PRPF18: variants seen among roughly 807,000 people sequenced by gnomAD.
The protein encoded by PRPF18 is pre-mRNA-splicing factor 18.
In PRPF18, 38 loss-of-function variants were observed where a neutral mutation model predicts 46.5. That is an observed-to-expected ratio of 0.82 (90% confidence interval 0.63 to 1.07). The LOEUF is 1.07. Ranked by LOEUF, PRPF18 falls within the 50% of genes least tolerant of loss-of-function variation. The pLI is 0.00. For missense variants in PRPF18, 263 were observed against 410.0 expected (o/e 0.64, Z 3.10); for synonymous variants, 152 against 146.7 (o/e 1.04, Z -0.26).
At chr10:13,634,578 A>T (rs2080618587), downstream of PRPF18, among the ~76,000 whole-genome samples, 1 of 152,220 alleles carries the variant, frequency 6.6e-6, no homozygotes, top group African/African-American at 2.4e-5. Flanking sequence ...TGAGCGTTGC[A>T]GTCTGTGCAG....
the PRPF18 span, chr10:13,646,067 C>G: frequency 6.6e-6 from 1 of 152,476 alleles, no homozygotes; most frequent in Non-Finnish European, 1.5e-5. Context: ...CCACAGGTCT[C>G]TCTTTGTGTC....
chr10:13,629,475 A>G (rs970637534), intron 9 of PRPF18, among the ~76,000 whole-genome samples: 5 of 152,260 alleles, frequency 3.3e-5, no homozygotes, highest in Admixed American at 3.3e-4. Flanking sequence ...GAACTAGAAC[A>G]TTCTGAAAAC....
At chr10:13,604,587 A>G (rs1184663179) in intron 3 of PRPF18, among the ~76,000 whole-genome samples, 3 of 152,254 alleles carry the variant, frequency 2.0e-5, no homozygotes, top group Admixed American at 2.0e-4. Flanking sequence ...CATTATGGTA[A>G]TTATCAGCTG....
At chr10:13,608,273 C>T (rs562365075) in intron 4 of PRPF18, among the ~76,000 whole-genome samples, 2 of 152,340 alleles carry the variant, frequency 1.3e-5, no homozygotes, top group South Asian at 4.1e-4. Flanking sequence ...CGGCCGAAAT[C>T]ATGTGAGGCT....
intron 4 of PRPF18, among the ~76,000 whole-genome samples, chr10:13,608,753 C>G (rs1210078251): frequency 6.6e-6 from 1 of 152,188 alleles, no homozygotes. Flanking sequence ...TGGGCAAAGG[C>G]TGTTTTACCT....
intron 5 of PRPF18, among the ~76,000 whole-genome samples, chr10:13,611,252 A>T (rs1161453936): frequency 6.8e-6 from 1 of 147,784 alleles, no homozygotes; most frequent in Non-Finnish European, 1.5e-5. Context: ...AGCTTTATTG[A>T]GATATTGACA....
chr10:13,605,313 T>A (rs1273211160), intron 3 of PRPF18, among the ~76,000 whole-genome samples: 1 of 152,094 alleles, frequency 6.6e-6, no homozygotes, highest in African/African-American at 2.4e-5. Flanking sequence ...GCTGGGCACA[T>A]TAGCTCACGC....
chr10:13,612,493 C>G (rs894446039), intron 6 of PRPF18, among the ~76,000 whole-genome samples: 2 of 151,798 alleles, frequency 1.3e-5, no homozygotes, highest in Non-Finnish European at 2.9e-5. Context: ...CCCTGTTGGC[C>G]AGGCTGGTCT....
intron 1 of PRPF18, chr10:13,591,647 C>T: frequency 1.6e-6 from 1 of 618,100 alleles, no homozygotes. Flanking sequence ...TTCCTGGTGT[C>T]TGGGCTTCTG....
At chr10:13,609,933 C>A in intron 4 of PRPF18, 106 bp from the exon 5 acceptor site, 1 of 1,253,792 alleles carries the variant, frequency 8.0e-7, no homozygotes, top group South Asian at 1.5e-5. Context: ...CTGAACTCTT[C>A]TTGTGGGGGA....
chr10:13,606,082 C>T lies in PRPF18; in HGVS notation c.363+338C>T, dbSNP rs912223028. ...GGATGATCTGTGAAGTAAACCACCA[C>T]GACACACGTTTCCCTATGTAACAAA... On this transcript the variant is annotated intron_variant, in intron 4 of 9. Coordinates refer to ENST00000378572, the MANE Select transcript of PRPF18 (RefSeq NM_003675.4). Among the ~76,000 whole-genome samples the T allele has an allele frequency of 7.9e-5, 12 of 152,188 alleles. 1 individual carries two copies. The highest frequency in any genetic ancestry group is 2.6e-4 in the Admixed American group (4 of 15,282).
At chr10:13,594,943 A>AT (rs1207142302) in intron 1 of PRPF18, among the ~76,000 whole-genome samples, 34 of 152,288 alleles carry the variant, frequency 2.2e-4, no homozygotes, top group Non-Finnish European at 3.8e-4. Flanking sequence ...TATACATTTT[A>AT]TTTTTTCATG....
chr10:13,607,952 T>C lies in PRPF18; in HGVS notation c.364-2087T>C, dbSNP rs144081889. Among the ~76,000 whole-genome samples the C allele has an allele frequency of 1.3e-3, 204 of 152,348 alleles. 4 individuals carry two copies. In the East Asian group the frequency reaches 0.034, roughly 25 times the overall value. On this transcript the variant is annotated intron_variant, in intron 4 of 9. Coordinates refer to ENST00000378572, the MANE Select transcript of PRPF18 (RefSeq NM_003675.4). ...ACAGTTCTACAAATGTCAGTGATGA[T>C]AGTGTTGTTCAGATCTTCTTTGGCC...
intron 4 of PRPF18, among the ~76,000 whole-genome samples, chr10:13,608,646 T>G (rs2133597549): frequency 6.6e-6 from 1 of 152,370 alleles, no homozygotes; most frequent in South Asian, 2.1e-4. Flanking sequence ...TCAGAATTAA[T>G]TGCTTCCTTC....
At chr10:13,614,450 T>TA (rs2080312161) in intron 8 of PRPF18, among the ~76,000 whole-genome samples, 1 of 152,216 alleles carries the variant, frequency 6.6e-6, no homozygotes, top group Non-Finnish European at 1.5e-5. Flanking sequence ...CAACGTTGTA[T>TA]AGATGAGTTT....
chr10:13,616,572 C>T lies in PRPF18; in HGVS notation c.948+19C>T, dbSNP rs113173860. 94 of 1,612,268 alleles carry T rather than the reference C, an allele frequency of 5.8e-5. No homozygotes were observed. In the Admixed American group the frequency reaches 6.4e-4, roughly 11 times the overall value. ...TATTCAGGTAAGCAGTTTGGAGAGC[C>T]GGGAATTGCCCTGGAAGTGAATATT... On this transcript the variant is annotated intron_variant, in intron 9 of 9. Coordinates refer to ENST00000378572, the MANE Select transcript of PRPF18 (RefSeq NM_003675.4).
In PRPF18 at chr10:13,613,721, T is replaced by C. The variant is rs772968556; in HGVS notation, c.580-20T>C. 4.4e-6 allele frequency: 7 copies of C among 1,607,892 alleles called. No individual in the cohort carries two copies. The South Asian group carries it at 6.7e-5, about 15-fold the overall frequency. Reference sequence around the variant, plus strand: ...CCACTGGGTGGCATTGTAGTCTAAGTTTACCCATCCTTTCAACAGTTTCTT... The same window carrying C: ...CCACTGGGTGGCATTGTAGTCTAAGCTTACCCATCCTTTCAACAGTTTCTT... On this transcript the variant is annotated intron_variant, in intron 6 of 9. Coordinates refer to ENST00000378572, the MANE Select transcript of PRPF18 (RefSeq NM_003675.4).
chr10:13,628,852 C>G (rs2080549655), intron 9 of PRPF18, among the ~76,000 whole-genome samples: 1 of 152,194 alleles, frequency 6.6e-6, no homozygotes, highest in Non-Finnish European at 1.5e-5. Flanking sequence ...TGGTTACAAA[C>G]TCTTCCCAAG....
intron 1 of PRPF18, among the ~76,000 whole-genome samples, chr10:13,596,793 T>C (rs891458655): frequency 6.6e-6 from 1 of 152,164 alleles, no homozygotes; most frequent in South Asian, 2.1e-4. Flanking sequence ...GAGTCGAAGT[T>C]GTGGCCTTGA....
Sources: allele counts gnomAD v4.1 joint callset (sites outside exome capture counted in the v4.1 genomes callset), GRCh38; gene constraint gnomAD v4.1.1; transcripts MANE v1.5; gene names NCBI Gene and HGNC (gene_info 2026-07-23, HGNC 2026-07-21).